The following ASCC1 variants were observed in gnomAD, a reference collection of about 807,000 sequenced individuals.
The protein encoded by ASCC1 is activating signal cointegrator 1 complex subunit 1.
ASCC1 carries 35 observed loss-of-function variants against 46.6 expected under a neutral mutation model. That is an observed-to-expected ratio of 0.75 (90% CI 0.57 to 0.99). ASCC1 has a LOEUF of 0.99. Ranked by LOEUF, ASCC1 falls within the 50% of genes least tolerant of loss-of-function variation. The pLI, the probability that ASCC1 is intolerant of heterozygous loss-of-function variation, is 0.00. For synonymous variants in ASCC1, 143 were observed against 146.6 expected, an observed-to-expected ratio of 0.98 and a Z score of 0.18; for missense variants, 376 against 428.7, an observed-to-expected ratio of 0.88 and a Z score of 1.09.
chr10:72,117,402 C>A (rs2132090503), intron 9 of ASCC1, among the ~76,000 whole-genome samples: 1 of 152,286 alleles, frequency 6.6e-6, no homozygotes, highest in East Asian at 1.9e-4. Context: ...CAGTTCAGAG[C>A]CTCTTTCATC....
intron 9 of ASCC1, among the ~76,000 whole-genome samples, chr10:72,100,291 C>T (rs1355760860): frequency 4.0e-5 from 6 of 151,518 alleles, no homozygotes; most frequent in South Asian, 2.1e-4. Flanking sequence ...TGCAGTGGCG[C>T]GATCTCAGCT....
chr10:72,197,096 G>T, intron 4 of ASCC1, 107 bp from the exon 5 acceptor site: 3 of 988,862 alleles, frequency 3.0e-6, no homozygotes, highest in South Asian at 1.3e-5. Context: ...TTCTGAATGC[G>T]TATATGAATC....
rs769541159 is a variant in ASCC1 at position 72,141,035 on chromosome 10, TTATA to T, written c.747-7858_747-7855del. On this transcript the variant is annotated intron_variant, in intron 7 of 9. Coordinates refer to ENST00000672957, the MANE Select transcript of ASCC1 (RefSeq NM_001198800.3). Reference sequence around the variant, plus strand: ...TATACCAAGTATAACATCAAATTGTTTATAGATAGATAGATAGATAGATAGATAG... The same window carrying T: ...TATACCAAGTATAACATCAAATTGTTGATAGATAGATAGATAGATAGATAG... Among the ~76,000 whole-genome samples the T allele has an allele frequency of 2.8e-3, 305 of 109,210 alleles. 2 individuals are homozygous for T. Among genetic ancestry groups the T allele is most frequent in the Non-Finnish European group, 4.3e-3 (223 of 51,504 alleles). 71.6% of individuals were successfully genotyped at this position (109,210 alleles called of 152,430 possible).
chr10:72,197,422 C>T (rs1419415410), intron 4 of ASCC1, among the ~76,000 whole-genome samples: 3 of 125,452 alleles, frequency 2.4e-5, no homozygotes, highest in Non-Finnish European at 3.1e-5. Context: ...GAGCCAAGAT[C>T]GTGCTACTGC....
chr10:72,141,363 A>T lies in ASCC1; in HGVS notation c.747-8182T>A, dbSNP rs1846991580. Among the ~76,000 whole-genome samples, 5 of 152,164 alleles carry T rather than the reference A, an allele frequency of 3.3e-5. No individual in the cohort carries two copies. The South Asian group carries it at 1.0e-3, about 31-fold the overall frequency. ...ACCCACAGTATTCTCTATTCTACAG[A>T]TGTTCTACAGTTTATTTTCCATCAA... is the stretch of plus-strand genomic sequence containing the variant. On this transcript the variant is annotated intron_variant, in intron 7 of 9. Coordinates refer to ENST00000672957, the MANE Select transcript of ASCC1 (RefSeq NM_001198800.3).
chr10:72,167,616 G>T (rs1283229780), intron 5 of ASCC1, among the ~76,000 whole-genome samples: 2 of 149,510 alleles, frequency 1.3e-5, no homozygotes, highest in Non-Finnish European at 3.0e-5. Context: ...TAATGAAGCT[G>T]TTAAATAAGT....
At chr10:72,108,926 A>C (rs564362380) in intron 9 of ASCC1, among the ~76,000 whole-genome samples, 10 of 152,342 alleles carry the variant, frequency 6.6e-5, no homozygotes, top group Non-Finnish European at 1.5e-4. Flanking sequence ...ATAGGGCTGT[A>C]ATATTTTTAA....
rs1042620528 is a variant in ASCC1 at position 72,211,608 on chromosome 10, C to A, written c.113-777G>T. ...AAAATTACGGCTGGGCACGGTGACT[C>A]ATGCCTGTAATCCCAGCATCCTGGC... On this transcript the variant is annotated intron_variant, in intron 2 of 9. Coordinates refer to ENST00000672957, the MANE Select transcript of ASCC1 (RefSeq NM_001198800.3). Among the ~76,000 whole-genome samples the A allele has an allele frequency of 3.3e-5, 5 of 151,666 alleles. No homozygotes were observed. In the East Asian group the frequency reaches 9.7e-4, roughly 29 times the overall value.
intron 9 of ASCC1, among the ~76,000 whole-genome samples, chr10:72,118,782 AAAAAAAAG>A (rs1259622381): frequency 6.6e-6 from 1 of 150,830 alleles, no homozygotes; most frequent in Admixed American, 6.7e-5. Flanking sequence ...TCCGTCTCAA[AAAAAAAAG>A]AAAAAAAAGA....
At chr10:72,130,886 C>T (rs965705479) in intron 8 of ASCC1, among the ~76,000 whole-genome samples, 1 of 152,136 alleles carries the variant, frequency 6.6e-6, no homozygotes, top group African/African-American at 2.4e-5. Context: ...AGTATGTCTT[C>T]TGAAACAATA....
At position 72,155,784 on chromosome 10, in the gene ASCC1, C is replaced by T. The variant is rs551418312; in HGVS notation, c.627-2796G>A. On this transcript the variant is annotated intron_variant, in intron 6 of 9. Transcript: ENST00000672957. ...TGCAACCAGAAAAGGCCTTGTTGTG[C>T]CATGCTGAAACCCAATTAAAAATCA... 7.2e-5 allele frequency among the ~76,000 whole-genome samples: 11 copies of T among 152,228 alleles called. No homozygotes were observed. In the South Asian group the frequency reaches 2.1e-3, roughly 29 times the overall value.
At chr10:72,185,013 GAA>G (rs966042971) in intron 5 of ASCC1, among the ~76,000 whole-genome samples, 1 of 152,150 alleles carries the variant, frequency 6.6e-6, no homozygotes, top group Non-Finnish European at 1.5e-5. Context: ...ATGAGCACAT[GAA>G]AAGATGCTTC....
chr10:72,123,051 G>A (rs1159429895), intron 9 of ASCC1, among the ~76,000 whole-genome samples: 1 of 152,138 alleles, frequency 6.6e-6, no homozygotes, highest in Admixed American at 6.6e-5. Context: ...AAAAATCAGA[G>A]CAGAGGCTGG....
In ASCC1 at chr10:72,102,902, G is replaced by A. The variant is rs915504521; in HGVS notation, c.958-5452C>T. The stretch of plus-strand genomic sequence containing the variant: ...AGGCAGGAGAATCACTTGAACCCGG[G>A]AGGCACAGGTTGCAGTGAGCGGAGA... On this transcript the variant is annotated intron_variant, in intron 9 of 9. Transcript: ENST00000672957. 6 of 421,610 alleles carry A rather than the reference G, an allele frequency of 1.4e-5. No individual in the cohort carries two copies. The highest frequency in any genetic ancestry group is 1.2e-4 in the African/African-American group (6 of 48,168). 26.1% of individuals were successfully genotyped at this position (421,610 alleles called of 1,614,324 possible).
intron 5 of ASCC1, among the ~76,000 whole-genome samples, chr10:72,190,973 G>T: frequency 7.4e-6 from 1 of 135,702 alleles, no homozygotes; most frequent in East Asian, 2.1e-4. Context: ...TCCAGCCTTG[G>T]CGACAGAGCG....
Position 72,213,250 on chromosome 10 carries a change from T to C in ASCC1, c.49A>G (p.Arg17Gly). 1 of 1,614,020 alleles carries C rather than the reference T, an allele frequency of 6.2e-7. No individual in the cohort carries two copies. Among genetic ancestry groups the C allele is most frequent in the Non-Finnish European group, 8.5e-7 (1 of 1,179,914 alleles). ...GTCTGTTCTTGGACTGGATTCTTCC[T>C]GTAATTCCGGCCATCAATTCTTATA... ...QLIRIDGRNY[R>G]KNPVQEQTYQ... is the part of the protein sequence containing the mutation. Residue 17 changes from arginine to glycine, a missense_variant, in exon 2 of 10, where the codon AGG (arginine) becomes GGG (glycine). Arg to Gly is a moderately radical substitution (Grantham distance 125). Transcript: ENST00000672957.
chr10:72,128,492 A>G (rs1020368041), intron 8 of ASCC1, among the ~76,000 whole-genome samples: 14 of 152,204 alleles, frequency 9.2e-5, no homozygotes, highest in Admixed American at 9.2e-4. Flanking sequence ...TCATTGACAA[A>G]GTGAGAGGCA....
rs79032469 is a variant in ASCC1 at position 72,128,136 on chromosome 10, T to A, written c.903A>T (p.Glu301Asp). 2.2e-3 allele frequency: 3,527 copies of A among 1,613,890 alleles called. 59 individuals carry two copies. In the African/African-American group the frequency reaches 0.041, roughly 19 times the overall value. The change falls in exon 9 of 10, where the codon GAA becomes GAT. Residue 301 changes from glutamate (E) to aspartate (D), a missense_variant. Coordinates refer to ENST00000672957, the MANE Select transcript of ASCC1 (RefSeq NM_001198800.3). ...AEGRYNLYTA[E>D]GKYIFKERES... ...CTCTTTCCTTGAAGATATATTTGCC[T>A]TCCGCTGTGTAGAGATTGTACCTGC...
Position 72,177,583 on chromosome 10 carries a change from CCT to C in ASCC1, c.490-15911_490-15910del, listed in dbSNP as rs920034352. On this transcript the variant is annotated intron_variant, in intron 5 of 9. Transcript: ENST00000672957. ...GTTCTCTAGGCAGCCTGAGAAATCC[CCT>C]GTTGCTTCAGATGGATCTATAAGCC... is the stretch of plus-strand genomic sequence containing the variant. 3.9e-5 allele frequency among the ~76,000 whole-genome samples: 6 copies of C among 152,136 alleles called. No individual in the cohort carries two copies. The East Asian group carries it at 1.2e-3, about 29-fold the overall frequency.
Sources: allele counts gnomAD v4.1 joint callset (sites outside exome capture counted in the v4.1 genomes callset), GRCh38; gene constraint gnomAD v4.1.1; transcripts MANE v1.5; gene names NCBI Gene and HGNC (gene_info 2026-07-23, HGNC 2026-07-21).